The following EFNA5 variants were observed in gnomAD, a reference collection of about 807,000 sequenced individuals.
EFNA5 encodes the protein ephrin A5.
In EFNA5, 5 loss-of-function variants were observed where a neutral mutation model predicts 22.9. The ratio of observed to expected loss-of-function variants is 0.22; its 90% CI spans 0.11 to 0.46. EFNA5 has a LOEUF of 0.46. Ranked by LOEUF, EFNA5 falls within the 20% of genes least tolerant of loss-of-function variation. EFNA5 has a pLI of 0.99. For missense variants in EFNA5, 237 were observed against 293.3 expected (o/e 0.81, Z 1.40); for synonymous variants, 113 against 112.2 (o/e 1.01, Z -0.04).
Position 107,381,089 on chromosome 5 carries a change from C to A in EFNA5, c.*166G>T. ...GGGAGGCAGGAACAAGTTTAGGCCC[C>A]CAACCTGAAGTTGTTGCTTAGAATT... On this transcript the variant is annotated 3_prime_UTR_variant, in exon 5 of 5. Transcript: ENST00000333274. 9.5e-7 allele frequency: 1 copy of A among 1,056,976 alleles called. No individual in the cohort carries two copies. Among genetic ancestry groups the A allele is most frequent in the East Asian group, 2.6e-5 (1 of 38,780 alleles). 65.5% of individuals were successfully genotyped at this position (1,056,976 alleles called of 1,614,324 possible). A position where few individuals can be genotyped will look rare whatever the true frequency, so the allele number is the denominator to read the frequency against.
At chr5:107,663,451 C>T (rs1254690919) in intron 1 of EFNA5, among the ~76,000 whole-genome samples, 1 of 152,060 alleles carries the variant, frequency 6.6e-6, no homozygotes, top group African/African-American at 2.4e-5. Flanking sequence ...AAGGCATATA[C>T]ATATTTGCTA....
chr5:107,594,534 T>C (rs1461600146), intron 1 of EFNA5, among the ~76,000 whole-genome samples: 2 of 152,116 alleles, frequency 1.3e-5, no homozygotes, highest in Non-Finnish European at 2.9e-5. Flanking sequence ...ACACATAAGC[T>C]CAGAGATTCA....
At chr5:107,625,410 TA>T (rs955639117) in intron 1 of EFNA5, among the ~76,000 whole-genome samples, 8 of 148,978 alleles carry the variant, frequency 5.4e-5, no homozygotes, top group Admixed American at 1.3e-4. Flanking sequence ...CAAAGAAAAA[TA>T]AAAAAAAAAT....
intron 1 of EFNA5, among the ~76,000 whole-genome samples, chr5:107,494,275 G>C (rs1456467756): frequency 6.6e-6 from 1 of 152,076 alleles, no homozygotes; most frequent in Non-Finnish European, 1.5e-5. Context: ...GGGCGGCTGC[G>C]GGCGGCGCTT....
chr5:107,396,587 T>C (rs1217756627), intron 2 of EFNA5, among the ~76,000 whole-genome samples: 4 of 152,030 alleles, frequency 2.6e-5, no homozygotes, highest in Non-Finnish European at 4.4e-5. Context: ...GTGTGGATAG[T>C]GGTGATTAAA....
chr5:107,624,610 A>C (rs1259709307), intron 1 of EFNA5, among the ~76,000 whole-genome samples: 1 of 152,110 alleles, frequency 6.6e-6, no homozygotes, highest in Non-Finnish European at 1.5e-5. Flanking sequence ...CATAAACTTC[A>C]ACAACTTGAT....
chr5:107,635,472 C>T (rs969801753), intron 1 of EFNA5, among the ~76,000 whole-genome samples: 5 of 152,196 alleles, frequency 3.3e-5, no homozygotes, highest in African/African-American at 4.8e-5. Flanking sequence ...ACATGCAACC[C>T]ATTAACTGCT....
intron 1 of EFNA5, among the ~76,000 whole-genome samples, chr5:107,458,430 A>T (rs1467061019): frequency 1.3e-5 from 2 of 152,034 alleles, no homozygotes; most frequent in Non-Finnish European, 2.9e-5. Flanking sequence ...CCTTGGAGAT[A>T]AGAAAAGGCT....
chr5:107,429,864 T>C (rs1748902533), intron 1 of EFNA5, among the ~76,000 whole-genome samples: 1 of 152,204 alleles, frequency 6.6e-6, no homozygotes, highest in African/African-American at 2.4e-5. Flanking sequence ...AATATGTATA[T>C]TTCCCCTTTT....
At chr5:107,554,207 C>A (rs2112470952) in intron 1 of EFNA5, among the ~76,000 whole-genome samples, 1 of 152,310 alleles carries the variant, frequency 6.6e-6, no homozygotes, top group African/African-American at 2.4e-5. Flanking sequence ...ACAGTTCATT[C>A]ACTGAGACAT....
chr5:107,644,147 G>A (rs1213562149), intron 1 of EFNA5, among the ~76,000 whole-genome samples: 2 of 152,064 alleles, frequency 1.3e-5, no homozygotes, highest in Non-Finnish European at 2.9e-5. Context: ...GGATCCTTTA[G>A]AAGTGGCGAT....
chr5:107,517,336 G>C (rs1433627291), intron 1 of EFNA5, among the ~76,000 whole-genome samples: 3 of 152,126 alleles, frequency 2.0e-5, no homozygotes, highest in African/African-American at 7.2e-5. Flanking sequence ...AGGGTTACAG[G>C]TGTGTTGAAG....
At chr5:107,417,044 C>G (rs188946011) in intron 2 of EFNA5, among the ~76,000 whole-genome samples, 2 of 151,832 alleles carry the variant, frequency 1.3e-5, no homozygotes, top group Admixed American at 1.3e-4. Context: ...ACATTAGAAG[C>G]CTGATATTGG....
chr5:107,512,997 G>A (rs1747404097), intron 1 of EFNA5, among the ~76,000 whole-genome samples: 1 of 152,170 alleles, frequency 6.6e-6, no homozygotes, highest in African/African-American at 2.4e-5. Context: ...GTAGAAAGAG[G>A]CTCTGCCCCT....
At chr5:107,608,638 C>T (rs1261562907) in intron 1 of EFNA5, among the ~76,000 whole-genome samples, 1 of 152,202 alleles carries the variant, frequency 6.6e-6, no homozygotes, top group Non-Finnish European at 1.5e-5. Flanking sequence ...GAGATGGAGG[C>T]ACCAAGTCAA....
At chr5:107,438,067 T>TTGCTA (rs1749162813) in intron 1 of EFNA5, among the ~76,000 whole-genome samples, 1 of 152,200 alleles carries the variant, frequency 6.6e-6, no homozygotes, top group African/African-American at 2.4e-5. Flanking sequence ...TTACACGTCT[T>TTGCTA]TGCTATGCTA....
chr5:107,473,895 G>A (rs938482745), intron 1 of EFNA5, among the ~76,000 whole-genome samples: 59 of 152,186 alleles, frequency 3.9e-4, no homozygotes, highest in African/African-American at 1.4e-3. Context: ...TCCTGACCTC[G>A]TGATCCGCCT....
chr5:107,500,329 G>A (rs1004454646), intron 1 of EFNA5, among the ~76,000 whole-genome samples: 2 of 152,164 alleles, frequency 1.3e-5, no homozygotes, highest in East Asian at 1.9e-4. Context: ...CAATGTATAC[G>A]TATATCTGCT....
chr5:107,465,934 C>T (rs935929571), intron 1 of EFNA5, among the ~76,000 whole-genome samples: 1 of 152,118 alleles, frequency 6.6e-6, no homozygotes, highest in African/African-American at 2.4e-5. Flanking sequence ...AACCACCTGC[C>T]TTGCCCACTA....
Sources: allele counts gnomAD v4.1 joint callset (sites outside exome capture counted in the v4.1 genomes callset), GRCh38; gene constraint gnomAD v4.1.1; transcripts MANE v1.5; gene names NCBI Gene and HGNC (gene_info 2026-07-23, HGNC 2026-07-21).